The following RBPMS2 variants were observed in gnomAD, a reference collection of about 807,000 sequenced individuals.
The protein encoded by RBPMS2 is RNA-binding protein with multiple splicing 2.
A neutral mutation model predicts 25.7 loss-of-function variants in RBPMS2; 14 were observed. The observed-to-expected ratio is 0.55, with a 90% CI of 0.36 to 0.85. RBPMS2 has a LOEUF of 0.85. Ranked by LOEUF, RBPMS2 falls within the 40% of genes least tolerant of loss-of-function variation. The probability of loss-of-function intolerance (pLI) is 0.01; values close to 1 mark genes in which losing one functional copy is unlikely to be tolerated. For missense variants in RBPMS2, 252 were observed against 283.4 expected (o/e 0.89, Z 0.80); for synonymous variants, 127 against 115.6 (o/e 1.10, Z -0.63).
At chr15:64,752,911 T>C (rs2083696191) in intron 1 of RBPMS2, among the ~76,000 whole-genome samples, 2 of 152,062 alleles carry the variant, frequency 1.3e-5, no homozygotes, top group South Asian at 2.1e-4. Context: ...CGTGCCCGGC[T>C]GATGCTGTGA....
intron 1 of RBPMS2, among the ~76,000 whole-genome samples, chr15:64,758,078 T>G (rs2083750578): frequency 6.6e-6 from 1 of 152,204 alleles, no homozygotes; most frequent in South Asian, 2.1e-4. Flanking sequence ...ATAACTCATG[T>G]CCTGCCTATT....
intron 1 of RBPMS2, among the ~76,000 whole-genome samples, chr15:64,751,981 T>C (rs2083686717): frequency 6.6e-6 from 1 of 151,562 alleles, no homozygotes; most frequent in African/African-American, 2.4e-5. Context: ...TTTTTTTTTT[T>C]TGAGACAGAG....
In RBPMS2 at chr15:64,748,540, G is replaced by A; in HGVS notation, c.446C>T (p.Pro149Leu). 6.2e-7 allele frequency: 1 copy of A among 1,600,296 alleles called. No homozygotes were observed. The highest frequency in any genetic ancestry group is 8.5e-7 in the Non-Finnish European group (1 of 1,172,668). Residue 149 changes from proline (P) to leucine (L), a missense_variant, in exon 6 of 8, where the codon CCT becomes CTT. Transcript: ENST00000300069. ...GGGGGCCCAGGCCTCTGGGGATGCA[G>A]GGATCAGAGCAGCCCCCATCAGGTC... Reference protein sequence around the residue: ...PYDLMGAALIPASPEAWAPYP... With the variant: ...PYDLMGAALILASPEAWAPYP...
intron 1 of RBPMS2, among the ~76,000 whole-genome samples, chr15:64,757,429 C>G (rs753663732): frequency 4.6e-5 from 7 of 152,098 alleles, no homozygotes; most frequent in Non-Finnish European, 1.0e-4. Flanking sequence ...CCATGAGCCA[C>G]TTATTAAGGT....
intron 1 of RBPMS2, among the ~76,000 whole-genome samples, chr15:64,768,645 A>C (rs1375191921): frequency 6.6e-6 from 1 of 151,536 alleles, no homozygotes; most frequent in Non-Finnish European, 1.5e-5. Context: ...CTCGAGGAAA[A>C]AAAAAAAAAT....
Position 64,748,550 on chromosome 15 carries a change from C to G in RBPMS2, c.436G>C (p.Ala146Pro). ...ARDPYDLMGA[A>P]LIPASPEAWA... ...GCCTCTGGGGATGCAGGGATCAGAG[C>G]AGCCCCCATCAGGTCATCTACAACA... The change falls in exon 6 of 8, where the codon GCT (alanine) becomes CCT (proline). Residue 146 changes from alanine to proline, a missense_variant. Physicochemically the swap from Ala to Pro is conservative, Grantham distance 27 (BLOSUM62 -1). Transcript: ENST00000300069. The G allele has an allele frequency of 6.4e-7, 1 of 1,567,400 alleles. No individual in the cohort carries two copies. Among genetic ancestry groups the G allele is most frequent in the East Asian group, 2.3e-5 (1 of 43,988 alleles).
chr15:64,760,676 C>T (rs1298231834), intron 1 of RBPMS2, among the ~76,000 whole-genome samples: 1 of 152,068 alleles, frequency 6.6e-6, no homozygotes, highest in Non-Finnish European at 1.5e-5. Flanking sequence ...TAGCGCACGC[C>T]TGTAATCCCA....
chr15:64,755,018 G>A (rs1020929170), intron 1 of RBPMS2, among the ~76,000 whole-genome samples: 1 of 152,250 alleles, frequency 6.6e-6, no homozygotes, highest in South Asian at 2.1e-4. Context: ...CTCCCCAGGG[G>A]CCACACATTT....
chr15:64,762,562 C>A (rs762867907), intron 1 of RBPMS2: 1 of 530,422 alleles, frequency 1.9e-6, no homozygotes, highest in Non-Finnish European at 3.9e-6. Flanking sequence ...ACACTGCACT[C>A]AGGGTCCAGC....
At chr15:64,774,870 G>T (rs1245908552) in intron 1 of RBPMS2, among the ~76,000 whole-genome samples, 3 of 151,602 alleles carry the variant, frequency 2.0e-5, no homozygotes, top group African/African-American at 7.3e-5. Context: ...CACGCAGGAG[G>T]TGCGCCTCGG....
At chr15:64,774,811 G>T (rs1444757467) in intron 1 of RBPMS2, among the ~76,000 whole-genome samples, 1 of 151,498 alleles carries the variant, frequency 6.6e-6, no homozygotes, top group South Asian at 2.1e-4. Flanking sequence ...GCCGCCCTCG[G>T]GCCGTGCTAA....
intron 1 of RBPMS2, among the ~76,000 whole-genome samples, chr15:64,774,330 T>C (rs2083912479): frequency 6.6e-6 from 1 of 152,172 alleles, no homozygotes; most frequent in African/African-American, 2.4e-5. Context: ...CCTGTCCCCT[T>C]CTACTCCAGT....
intron 6 of RBPMS2, 27 bp downstream of exon 6, chr15:64,748,392 C>G: frequency 6.2e-7 from 1 of 1,607,664 alleles, no homozygotes; most frequent in Non-Finnish European, 8.5e-7. Flanking sequence ...CCTTGTTCTT[C>G]GCCCTCCCCA....
intron 1 of RBPMS2, among the ~76,000 whole-genome samples, chr15:64,755,784 G>A (rs2083727029): frequency 6.6e-6 from 1 of 152,138 alleles, no homozygotes; most frequent in Admixed American, 6.5e-5. Flanking sequence ...ATGTAGGGAG[G>A]AACAAGAGGT....
At chr15:64,770,673 A>G (rs2083886454) in intron 1 of RBPMS2, among the ~76,000 whole-genome samples, 1 of 152,158 alleles carries the variant, frequency 6.6e-6, no homozygotes, top group Admixed American at 6.6e-5. Context: ...AAGATGTCCC[A>G]GATGCTTTCA....
chr15:64,750,565 G>A (rs372776314), intron 2 of RBPMS2, among the ~76,000 whole-genome samples, 184 bp from the exon 3 acceptor site: 7 of 152,282 alleles, frequency 4.6e-5, no homozygotes, highest in East Asian at 3.9e-4. Context: ...TGAATCACGC[G>A]GTCTAGCACA....
chr15:64,742,942 T>A (rs890650093), intron 6 of RBPMS2, among the ~76,000 whole-genome samples: 11 of 152,178 alleles, frequency 7.2e-5, no homozygotes, highest in Non-Finnish European at 1.0e-4. Flanking sequence ...ACTGCAGAAT[T>A]CCAGCCACCA....
At chr15:64,767,937 G>C (rs929673483) in intron 1 of RBPMS2, among the ~76,000 whole-genome samples, 19 of 152,188 alleles carry the variant, frequency 1.2e-4, no homozygotes, top group African/African-American at 4.1e-4. Context: ...CAAAATGCAG[G>C]GGATTACAGG....
At chr15:64,746,387 A>G (rs1253562285) in intron 6 of RBPMS2, among the ~76,000 whole-genome samples, 1 of 152,192 alleles carries the variant, frequency 6.6e-6, no homozygotes, top group Non-Finnish European at 1.5e-5. Flanking sequence ...ATAACATCAC[A>G]ACCATCTGCA....
Sources: allele counts gnomAD v4.1 joint callset (sites outside exome capture counted in the v4.1 genomes callset), GRCh38; gene constraint gnomAD v4.1.1; transcripts MANE v1.5; gene names NCBI Gene and HGNC (gene_info 2026-07-23, HGNC 2026-07-21).